AIG1: variants seen among roughly 807,000 people sequenced by gnomAD.
AIG1 encodes androgen-induced gene 1 protein.
A neutral mutation model predicts 31.4 loss-of-function variants in AIG1; 23 were observed. The ratio of observed to expected loss-of-function variants is 0.73; its 90% CI spans 0.53 to 1.04. AIG1 has a LOEUF of 1.04. Among genes scored for constraint, AIG1 ranks in the 50% least tolerant of loss-of-function variants. The probability of loss-of-function intolerance (pLI) is 0.00; values close to 1 mark genes in which losing one functional copy is unlikely to be tolerated. For missense variants in AIG1, 274 were observed against 295.0 expected, an observed-to-expected ratio of 0.93 and a Z score of 0.52; for synonymous variants, 100 against 110.5, an observed-to-expected ratio of 0.90 and a Z score of 0.60.
In AIG1 at chr6:143,103,446, A is replaced by C. The variant is rs968251452; in HGVS notation, c.142-33389A>C. ...GTATTTAGAAGTACAAAGTTTTAGCACTTTGAGGTCATTTATAGCATTGAC... is the reference window on the plus strand; with the variant it reads ...GTATTTAGAAGTACAAAGTTTTAGCCCTTTGAGGTCATTTATAGCATTGAC... On this transcript the variant is annotated intron_variant, in intron 1 of 5. Coordinates refer to ENST00000357847, the MANE Select transcript of AIG1 (RefSeq NM_016108.4). 3.4e-4 allele frequency among the ~76,000 whole-genome samples: 52 copies of C among 151,198 alleles called. 1 individual carries two copies. The highest frequency in any genetic ancestry group is 3.4e-3 in the South Asian group (16 of 4,758).
intron 3 of AIG1, chr6:143,189,900 G>T: frequency 1.2e-6 from 1 of 861,242 alleles, no homozygotes; most frequent in Non-Finnish European, 1.4e-6. Context: ...ATTTATCATA[G>T]TTCTAGAGCC....
chr6:143,238,305 T>C (rs2128636820), intron 3 of AIG1, among the ~76,000 whole-genome samples: 1 of 152,312 alleles, frequency 6.6e-6, no homozygotes, highest in East Asian at 1.9e-4. Context: ...AAAGTTATGG[T>C]CTCCTGTCCA....
At chr6:143,066,205 C>T (rs1776686915) in intron 1 of AIG1, among the ~76,000 whole-genome samples, 1 of 152,090 alleles carries the variant, frequency 6.6e-6, no homozygotes, top group African/African-American at 2.4e-5. Context: ...CTCTAAGTTG[C>T]ATTGTTTTTT....
intron 3 of AIG1, among the ~76,000 whole-genome samples, chr6:143,212,759 T>G (rs778470786): frequency 1.1e-4 from 17 of 152,146 alleles, no homozygotes; most frequent in Admixed American, 8.5e-4. Context: ...TGAATTTGGC[T>G]CCTATTCAGA....
At chr6:143,309,081 A>G (rs1174573840) in intron 4 of AIG1, among the ~76,000 whole-genome samples, 1 of 152,062 alleles carries the variant, frequency 6.6e-6, no homozygotes, top group Non-Finnish European at 1.5e-5. Flanking sequence ...ATTATAATAT[A>G]CTTCTCATCA....
At chr6:143,300,443 A>G (rs753399439) in intron 4 of AIG1, among the ~76,000 whole-genome samples, 2 of 152,216 alleles carry the variant, frequency 1.3e-5, no homozygotes, top group Admixed American at 6.5e-5. Flanking sequence ...GCAAGAGTCT[A>G]TTTACCCAGT....
chr6:143,343,558 T>C (rs1259956148), downstream of AIG1, among the ~76,000 whole-genome samples: 1 of 152,064 alleles, frequency 6.6e-6, no homozygotes, highest in Non-Finnish European at 1.5e-5. Flanking sequence ...GAAAATGACA[T>C]AGTTGTGACG....
intron 4 of AIG1, among the ~76,000 whole-genome samples, chr6:143,316,534 C>A (rs1246872987): frequency 6.6e-6 from 1 of 151,952 alleles, no homozygotes; most frequent in Non-Finnish European, 1.5e-5. Flanking sequence ...GTATTAAATG[C>A]CTACATCAAA....
At chr6:143,260,389 G>T (rs1232528428) in intron 3 of AIG1, among the ~76,000 whole-genome samples, 2 of 152,154 alleles carry the variant, frequency 1.3e-5, no homozygotes, top group Non-Finnish European at 2.9e-5. Context: ...ATATTGTTGT[G>T]TTTGGTGTTT....
At chr6:143,319,477 G>A (rs181660822) in intron 4 of AIG1, among the ~76,000 whole-genome samples, 1 of 152,298 alleles carries the variant, frequency 6.6e-6, no homozygotes, top group African/African-American at 2.4e-5. Context: ...ACTCCAGGGA[G>A]AGTGGTAGGG....
intron 3 of AIG1, among the ~76,000 whole-genome samples, chr6:143,235,041 TC>T (rs1793709362): frequency 1.3e-5 from 2 of 152,200 alleles, no homozygotes; most frequent in African/African-American, 4.8e-5. Flanking sequence ...ATGTATTTAT[TC>T]ATTCATTCAT....
At chr6:143,226,258 T>A (rs1792941550) in intron 3 of AIG1, among the ~76,000 whole-genome samples, 1 of 151,628 alleles carries the variant, frequency 6.6e-6, no homozygotes, top group East Asian at 1.9e-4. Flanking sequence ...TTTTTTTTTT[T>A]TGAGATGGAG....
At chr6:143,114,009 C>T (rs569391620) in intron 1 of AIG1, among the ~76,000 whole-genome samples, 25 of 152,072 alleles carry the variant, frequency 1.6e-4, no homozygotes, top group Non-Finnish European at 2.9e-4. Context: ...CTTCTGACCT[C>T]GTGATCCGCC....
At chr6:143,313,866 AAAAATT>A (rs1178416587) in intron 4 of AIG1, among the ~76,000 whole-genome samples, 1 of 152,086 alleles carries the variant, frequency 6.6e-6, no homozygotes, top group South Asian at 2.1e-4. Flanking sequence ...AATTTAAATT[AAAAATT>A]AAAATTAAAA....
intron 3 of AIG1, among the ~76,000 whole-genome samples, chr6:143,243,066 G>A (rs1157145873): frequency 6.6e-6 from 1 of 152,142 alleles, no homozygotes; most frequent in Non-Finnish European, 1.5e-5. Context: ...GGCAGATAGA[G>A]CTGGTTCCTG....
At chr6:143,064,546 A>G (rs1300707187) in intron 1 of AIG1, among the ~76,000 whole-genome samples, 1 of 152,342 alleles carries the variant, frequency 6.6e-6, no homozygotes, top group Non-Finnish European at 1.5e-5. Flanking sequence ...AAGCCATTCA[A>G]TTGATAGTAA....
At chr6:143,234,688 C>T (rs1000657308) in intron 3 of AIG1, among the ~76,000 whole-genome samples, 4 of 152,028 alleles carry the variant, frequency 2.6e-5, no homozygotes, top group African/African-American at 4.8e-5. Context: ...TTTCTGGAAT[C>T]GGGTGAGTGA....
intron 3 of AIG1, among the ~76,000 whole-genome samples, chr6:143,168,858 A>G (rs779555902): frequency 7.2e-5 from 11 of 152,118 alleles, no homozygotes; most frequent in Non-Finnish European, 1.3e-4. Context: ...TTGAAAATTC[A>G]AATTGCATAA....
At chr6:143,187,499 AT>A in intron 3 of AIG1, 1 of 1,534,904 alleles carries the variant, frequency 6.5e-7, no homozygotes, top group Non-Finnish European at 8.7e-7. Flanking sequence ...TATGCACAAA[AT>A]CACTTACCAC....
Sources: gnomAD v4.1 joint callset for allele counts (sites outside exome capture counted in the v4.1 genomes callset) on GRCh38, gnomAD v4.1.1 for gene constraint, MANE v1.5 for transcripts, NCBI Gene and HGNC (gene_info 2026-07-23, HGNC 2026-07-21) for gene names.